Variants in CCDC13 observed in about 807,000 individuals in gnomAD.
CCDC13 encodes the protein coiled-coil domain-containing protein 13.
In CCDC13, 70 loss-of-function variants were observed where a neutral mutation model predicts 87.3. The ratio of observed to expected loss-of-function variants is 0.80; its 90% confidence interval spans 0.66 to 0.98. The LOEUF is 0.98. Ranked by LOEUF, CCDC13 falls within the 50% of genes least tolerant of loss-of-function variation. The probability of loss-of-function intolerance (pLI) is 0.00; values close to 1 mark genes in which losing one functional copy is unlikely to be tolerated. For synonymous variants in CCDC13, 317 were observed against 360.3 expected, an observed-to-expected ratio of 0.88 and a Z score of 1.36; for missense variants, 842 against 892.0, an observed-to-expected ratio of 0.94 and a Z score of 0.71.
chr3:42,741,608 G>C (rs894747596), intron 8 of CCDC13, among the ~76,000 whole-genome samples: 3 of 152,116 alleles, frequency 2.0e-5, no homozygotes, highest in African/African-American at 7.2e-5. Flanking sequence ...ATGGTGGCAG[G>C]TGCCTGTAAT....
intron 13 of CCDC13, among the ~76,000 whole-genome samples, chr3:42,724,086 T>C (rs1192615987): frequency 6.6e-6 from 1 of 152,246 alleles, no homozygotes. Flanking sequence ...TTTTCTGTTA[T>C]GAATTTCAAT....
intron 13 of CCDC13, among the ~76,000 whole-genome samples, chr3:42,728,305 G>C (rs1698737612): frequency 1.3e-5 from 2 of 152,114 alleles, no homozygotes; most frequent in South Asian, 4.1e-4. Context: ...CACAGGATTA[G>C]GGAACTGGGT....
At chr3:42,729,439 C>T (rs1698766869) in intron 13 of CCDC13, among the ~76,000 whole-genome samples, 1 of 152,210 alleles carries the variant, frequency 6.6e-6, no homozygotes, top group Non-Finnish European at 1.5e-5. Flanking sequence ...CTTCCCTGCA[C>T]CCCTAGCTCC....
At chr3:42,727,473 C>T (rs1698717775) in intron 13 of CCDC13, among the ~76,000 whole-genome samples, 1 of 152,046 alleles carries the variant, frequency 6.6e-6, no homozygotes, top group South Asian at 2.1e-4. Context: ...TAAAGGGCAT[C>T]TCAGTAAGAA....
chr3:42,732,830 G>T, intron 12 of CCDC13, 57 bp downstream of exon 12: 1 of 1,442,292 alleles, frequency 6.9e-7, no homozygotes, highest in Non-Finnish European at 9.5e-7. Flanking sequence ...GGCAATACTG[G>T]TTGAGCAATC....
intron 13 of CCDC13, among the ~76,000 whole-genome samples, chr3:42,725,235 A>G (rs1252944911): frequency 6.6e-6 from 1 of 152,192 alleles, no homozygotes; most frequent in Non-Finnish European, 1.5e-5. Context: ...AAATTGATTC[A>G]TTTTAAAAGG....
chr3:42,721,730 A>G (rs1559639539), intron 13 of CCDC13, among the ~76,000 whole-genome samples: 1 of 152,248 alleles, frequency 6.6e-6, no homozygotes, highest in South Asian at 2.1e-4. Context: ...ACAGGACACA[A>G]TTGGAGAAAT....
At chr3:42,735,594 G>A in intron 10 of CCDC13, 113 bp downstream of exon 10, 2 of 1,124,186 alleles carry the variant, frequency 1.8e-6, no homozygotes, top group Non-Finnish European at 2.6e-6. Context: ...CCAAAGTGGA[G>A]CCAGGAAGGA....
chr3:42,735,921 GC>G lies in CCDC13; in HGVS notation c.1165-9del, dbSNP rs1286476243. 8 of 1,610,974 alleles carry G rather than the reference GC, an allele frequency of 5.0e-6. No individual in the cohort carries two copies. The African/African-American group carries it at 6.7e-5, about 13-fold the overall frequency. ...TAGCTGCTTCAGCTGGTCCTGGGGGGCCAGGCAGGAGGGCAGGTGGAGTCAG... is the reference window on the plus strand; with the variant it reads ...TAGCTGCTTCAGCTGGTCCTGGGGGGCAGGCAGGAGGGCAGGTGGAGTCAG... On this transcript the variant is annotated splice_polypyrimidine_tract_variant and intron_variant, in intron 9 of 15. Transcript: ENST00000310232.
chr3:42,743,562 C>T (rs918650430), intron 7 of CCDC13, among the ~76,000 whole-genome samples: 3 of 111,888 alleles, frequency 2.7e-5, no homozygotes, highest in Admixed American at 2.7e-4. Context: ...GGACCACAGG[C>T]ACAGGCAACT....
intron 13 of CCDC13, among the ~76,000 whole-genome samples, chr3:42,724,775 GTTTTAATAT>G (rs1010074761): frequency 3.3e-5 from 5 of 151,830 alleles, no homozygotes; most frequent in African/African-American, 9.7e-5. Flanking sequence ...AATGATGACT[GTTTTAATAT>G]TAAAAATTTT....
chr3:42,769,673 G>C (rs1174481764), intron 1 of CCDC13, among the ~76,000 whole-genome samples: 7 of 152,260 alleles, frequency 4.6e-5, no homozygotes, highest in Non-Finnish European at 1.0e-4. Flanking sequence ...GGCTGGCCAA[G>C]GCCGGAGCTG....
intron 8 of CCDC13, among the ~76,000 whole-genome samples, chr3:42,740,334 A>G (rs894697650): frequency 1.3e-5 from 2 of 152,014 alleles, no homozygotes; most frequent in African/African-American, 2.4e-5. Context: ...TCAGCTACCA[A>G]CTGGAAACTC....
rs1374663661 is a variant in CCDC13 at position 42,706,706 on chromosome 3, T to C, written c.*2274A>G. Reference sequence around the variant, plus strand: ...CAGTTTTTCTTTCCCCTCTCTCTTATATAACTCTTGTTGAAATCAGTCTAT... The same window carrying C: ...CAGTTTTTCTTTCCCCTCTCTCTTACATAACTCTTGTTGAAATCAGTCTAT... On this transcript the variant is annotated 3_prime_UTR_variant, in exon 16 of 16. Coordinates refer to ENST00000310232, the MANE Select transcript of CCDC13 (RefSeq NM_144719.4). The C allele has an allele frequency of 6.6e-6, 1 of 152,270 alleles. No individual in the cohort carries two copies. Among genetic ancestry groups the C allele is most frequent in the Non-Finnish European group, 1.5e-5 (1 of 68,046 alleles). 9.4% of individuals were successfully genotyped at this position (152,270 alleles called of 1,614,324 possible).
At chr3:42,755,588 C>T (rs1699686183) in intron 3 of CCDC13, among the ~76,000 whole-genome samples, 1 of 152,190 alleles carries the variant, frequency 6.6e-6, no homozygotes, top group African/African-American at 2.4e-5. Context: ...ATCTGGGCAA[C>T]AGAGCAAGAC....
At chr3:42,771,606 T>C (rs956754646) in intron 1 of CCDC13, among the ~76,000 whole-genome samples, 1 of 151,940 alleles carries the variant, frequency 6.6e-6, no homozygotes, top group Non-Finnish European at 1.5e-5. Flanking sequence ...AATAAAAAAA[T>C]TAGCTGGGCA....
intron 1 of CCDC13, among the ~76,000 whole-genome samples, chr3:42,769,760 A>G (rs1700017098): frequency 6.6e-6 from 1 of 152,238 alleles, no homozygotes; most frequent in Non-Finnish European, 1.5e-5. Context: ...CTTGCCGGCC[A>G]GTGAGGGTTC....
chr3:42,718,418 G>A (rs1019677490), intron 13 of CCDC13, among the ~76,000 whole-genome samples: 2 of 152,104 alleles, frequency 1.3e-5, no homozygotes, highest in Non-Finnish European at 1.5e-5. Context: ...CCATAAAAAC[G>A]GGCAACCAGC....
At chr3:42,714,868 A>T (rs889318788) in intron 13 of CCDC13, among the ~76,000 whole-genome samples, 2 of 152,236 alleles carry the variant, frequency 1.3e-5, no homozygotes, top group African/African-American at 4.8e-5. Context: ...AAACAACCTA[A>T]AGGCCCATCA....
Sources: allele counts gnomAD v4.1 joint callset (sites outside exome capture counted in the v4.1 genomes callset), GRCh38; gene constraint gnomAD v4.1.1; transcripts MANE v1.5; gene names NCBI Gene and HGNC (gene_info 2026-07-23, HGNC 2026-07-21).